RBFOX1: variants seen among roughly 807,000 people sequenced by gnomAD.
The protein encoded by RBFOX1 is RNA binding fox-1 homolog 1.
A neutral mutation model predicts 57.7 loss-of-function variants in RBFOX1; 8 were observed. The observed-to-expected ratio is 0.14, with a 90% CI of 0.08 to 0.25. The LOEUF is 0.25. RBFOX1 is among the 10% of genes least tolerant of loss of function. The pLI, the probability that RBFOX1 is intolerant of heterozygous loss-of-function variation, is 1.00. For missense variants in RBFOX1, 611 were observed against 548.5 expected (o/e 1.11, Z -1.14); for synonymous variants, 326 against 222.4 (o/e 1.47, Z -4.15).
intron 1 of RBFOX1, among the ~76,000 whole-genome samples, chr16:5,320,144 G>A (rs1044332864): frequency 2.0e-5 from 3 of 152,222 alleles, no homozygotes; most frequent in Non-Finnish European, 4.4e-5. Flanking sequence ...GTATGAACAT[G>A]TGTTTATGTG....
At chr16:7,564,401 G>C (rs2091185278) in intron 5 of RBFOX1, among the ~76,000 whole-genome samples, 1 of 151,878 alleles carries the variant, frequency 6.6e-6, no homozygotes, top group Admixed American at 6.6e-5. Context: ...AGCTGGGCGT[G>C]GTGGCACCAG....
chr16:5,975,691 C>T (rs2060048335), intron 4 of RBFOX1, among the ~76,000 whole-genome samples: 1 of 152,098 alleles, frequency 6.6e-6, no homozygotes, highest in South Asian at 2.1e-4. Flanking sequence ...GGAGGAGCTC[C>T]TAGCATAATT....
intron 3 of RBFOX1, among the ~76,000 whole-genome samples, chr16:7,004,535 C>G (rs760584838): frequency 2.6e-5 from 4 of 152,172 alleles, no homozygotes; most frequent in Non-Finnish European, 5.9e-5. Context: ...GAGACCATCT[C>G]TTTGTCATGG....
rs568865793 is a variant in RBFOX1 at position 5,637,815 on chromosome 16, G to A, written c.318+38854G>A. Among the ~76,000 whole-genome samples the A allele has an allele frequency of 2.0e-5, 3 of 152,182 alleles. No individual in the cohort carries two copies. In the East Asian group the frequency reaches 5.8e-4, roughly 30 times the overall value. ...CCTGGTAGTGTGGTGAGGAGGGAGG[G>A]CCACAGGGCTTAGCCCCACTCTGGA... On this transcript the variant is annotated intron_variant, in intron 3 of 19. Transcript: ENST00000641259.
intron 1 of RBFOX1, among the ~76,000 whole-genome samples, chr16:6,112,047 T>C (rs1029342920): frequency 1.3e-5 from 2 of 152,174 alleles, no homozygotes; most frequent in Non-Finnish European, 2.9e-5. Context: ...ATGTTATAGA[T>C]TGAATGAAGT....
chr16:7,331,232 C>T lies in RBFOX1; in HGVS notation c.28-186915C>T, dbSNP rs566829765. Among the ~76,000 whole-genome samples the T allele has an allele frequency of 2.4e-4, 37 of 152,292 alleles. 2 individuals carry two copies. In the South Asian group the frequency reaches 7.0e-3, roughly 29 times the overall value. On this transcript the variant is annotated intron_variant, in intron 4 of 15. Coordinates refer to ENST00000550418, the MANE Select transcript of RBFOX1 (RefSeq NM_018723.4). ...GGAATTGACATTTGGATTTAGAAAA[C>T]GCCAATAGTTGGATATGTTTGGCGG...
At chr16:5,824,037 G>T (rs913863615) in intron 3 of RBFOX1, among the ~76,000 whole-genome samples, 2 of 152,208 alleles carry the variant, frequency 1.3e-5, no homozygotes, top group African/African-American at 4.8e-5. Flanking sequence ...CCTGTAGCCA[G>T]ATGGCCTGGT....
chr16:6,678,809 G>A (rs781673353), intron 3 of RBFOX1, among the ~76,000 whole-genome samples: 1 of 152,110 alleles, frequency 6.6e-6, no homozygotes, highest in South Asian at 2.1e-4. Context: ...TAGCTGATAA[G>A]GCTTGTAACA....
At chr16:7,441,640 G>A (rs1384002603) in intron 4 of RBFOX1, among the ~76,000 whole-genome samples, 3 of 152,212 alleles carry the variant, frequency 2.0e-5, no homozygotes, top group Admixed American at 6.5e-5. Context: ...ATTTAGATAT[G>A]TAAAGATTAC....
At chr16:6,414,851 A>C (rs1369404006) in intron 2 of RBFOX1, among the ~76,000 whole-genome samples, 1 of 152,184 alleles carries the variant, frequency 6.6e-6, no homozygotes, top group Non-Finnish European at 1.5e-5. Flanking sequence ...AGTGCTGCTG[A>C]CATCTAGTGG....
intron 4 of RBFOX1, among the ~76,000 whole-genome samples, chr16:7,222,353 A>G (rs946664147): frequency 6.6e-6 from 1 of 152,250 alleles, no homozygotes; most frequent in African/African-American, 2.4e-5. Flanking sequence ...GGTAGTTTAT[A>G]TGTCAGTTCC....
rs111991480 is a variant in RBFOX1 at position 7,673,255 on chromosome 16, A to G, written c.931-3519A>G. 9.6e-3 allele frequency among the ~76,000 whole-genome samples: 1,467 copies of G among 152,316 alleles called. 30 individuals carry two copies. The highest frequency in any genetic ancestry group is 0.034 in the African/African-American group (1,412 of 41,558). The stretch of plus-strand genomic sequence containing the variant: ...TTTGATTTAAGCCTCAAATTCTCTG[A>G]GATGCCTTGGAGGTCCCTCAGTGTT... On this transcript the variant is annotated intron_variant, in intron 13 of 15. Transcript: ENST00000550418.
intron 3 of RBFOX1, among the ~76,000 whole-genome samples, chr16:5,825,991 A>G (rs2056033360): frequency 1.6e-5 from 2 of 123,732 alleles, no homozygotes; most frequent in African/African-American, 3.2e-5. Flanking sequence ...CGTAATATGA[A>G]TAAGGAATAA....
At chr16:6,978,212 C>A (rs574322566) in intron 3 of RBFOX1, among the ~76,000 whole-genome samples, 43 of 152,238 alleles carry the variant, frequency 2.8e-4, no homozygotes, top group Non-Finnish European at 4.6e-4. Flanking sequence ...GGTTGCAGTT[C>A]GAAATGCTTC....
rs1450101408 is a variant in RBFOX1 at position 5,258,693 on chromosome 16, G to A, written c.219+18588G>A. On this transcript the variant is annotated intron_variant, in intron 1 of 2. Coordinates refer to the RBFOX1 transcript ENST00000585867. ...AGCACTTTGGGAGGCCAAGGTAGGC[G>A]GATCACGAGGTCAAGAGTTCAAGAC... Among the ~76,000 whole-genome samples, 18 of 152,186 alleles carry A rather than the reference G, an allele frequency of 1.2e-4. 1 individual carries two copies. The highest frequency in any genetic ancestry group is 6.2e-4 in the South Asian group (3 of 4,810).
chr16:6,643,006 A>T (rs4786900), intron 2 of RBFOX1, among the ~76,000 whole-genome samples: 85,777 of 152,104 alleles, frequency 0.56, 25,618 homozygotes, highest in South Asian at 0.81. Flanking sequence ...TTAGGTTGAA[A>T]CCATAGACTT....
intron 3 of RBFOX1, among the ~76,000 whole-genome samples, chr16:6,728,986 C>G (rs2067895154): frequency 6.6e-6 from 1 of 152,146 alleles, no homozygotes; most frequent in African/African-American, 2.4e-5. Flanking sequence ...ACTTTACCAG[C>G]ATTCATTTTT....
intron 3 of RBFOX1, among the ~76,000 whole-genome samples, chr16:5,801,186 G>A (rs745876429): frequency 6.6e-6 from 1 of 152,158 alleles, no homozygotes; most frequent in African/African-American, 2.4e-5. Flanking sequence ...CAGAACTCCT[G>A]ACCTTCTATG....
intron 3 of RBFOX1, among the ~76,000 whole-genome samples, chr16:5,714,255 C>T (rs917270707): frequency 6.6e-6 from 1 of 152,208 alleles, no homozygotes; most frequent in African/African-American, 2.4e-5. Flanking sequence ...ATGTAACTTG[C>T]TTTGGCCAAT....
Sources: allele counts gnomAD v4.1 joint callset (sites outside exome capture counted in the v4.1 genomes callset), GRCh38; gene constraint gnomAD v4.1.1; transcripts MANE v1.5; gene names NCBI Gene and HGNC (gene_info 2026-07-23, HGNC 2026-07-21).